NAV2: variants seen among roughly 807,000 people sequenced by gnomAD.
The protein encoded by NAV2 is neuron navigator 2, also known as helicase, APC down-regulated 1.
A neutral mutation model predicts 223.2 loss-of-function variants in NAV2; 54 were observed. That is an observed-to-expected ratio of 0.24 (90% CI 0.19 to 0.30). NAV2 has a LOEUF of 0.30. Ranked by LOEUF, NAV2 falls within the 10% of genes least tolerant of loss-of-function variation. The pLI, the probability that NAV2 is intolerant of heterozygous loss-of-function variation, is 1.00. For missense variants in NAV2, 2,806 were observed against 3,147.5 expected (o/e 0.89, Z 2.60); for synonymous variants, 1,279 against 1,239.3 (o/e 1.03, Z -0.67).
upstream of NAV2, among the ~76,000 whole-genome samples, chr11:19,348,685 A>G (rs868626602): frequency 3.9e-5 from 6 of 152,250 alleles, no homozygotes; most frequent in Admixed American, 1.3e-4. Context: ...CATTCAGTAC[A>G]TGTTAGCAAT....
At chr11:19,612,229 A>AT (rs1287283187) in intron 1 of NAV2, among the ~76,000 whole-genome samples, 1 of 152,040 alleles carries the variant, frequency 6.6e-6, no homozygotes, top group Non-Finnish European at 1.5e-5. Context: ...CCATGAGAGC[A>AT]TTTTTTCCTC....
At chr11:19,753,232 G>A (rs993860406) in intron 1 of NAV2, among the ~76,000 whole-genome samples, 2 of 152,166 alleles carry the variant, frequency 1.3e-5, no homozygotes, top group Non-Finnish European at 2.9e-5. Flanking sequence ...TCCTTCACTT[G>A]TACTTATTAG....
intron 1 of NAV2, among the ~76,000 whole-genome samples, chr11:19,519,040 G>A (rs890058139): frequency 6.6e-6 from 1 of 152,140 alleles, no homozygotes; most frequent in African/African-American, 2.4e-5. Context: ...CCTGATCTGA[G>A]ACTTCCAGCT....
chr11:19,963,021 A>G (rs1284470775), intron 10 of NAV2, among the ~76,000 whole-genome samples: 1 of 152,242 alleles, frequency 6.6e-6, no homozygotes, highest in Non-Finnish European at 1.5e-5. Context: ...TCAAGTTGTC[A>G]GAAACATGGG....
chr11:19,596,244 C>A (rs1231175328), intron 1 of NAV2, among the ~76,000 whole-genome samples: 1 of 152,180 alleles, frequency 6.6e-6, no homozygotes, highest in African/African-American at 2.4e-5. Flanking sequence ...AAACCAGAGC[C>A]TATGAGCTGC....
intron 1 of NAV2, among the ~76,000 whole-genome samples, chr11:19,684,621 G>A (rs1156729187): frequency 6.6e-6 from 1 of 152,074 alleles, no homozygotes; most frequent in Non-Finnish European, 1.5e-5. Flanking sequence ...CAAGGGCACG[G>A]CCAAGGGCAC....
At chr11:20,097,987 G>A (rs945503938) in intron 31 of NAV2, among the ~76,000 whole-genome samples, 4 of 152,286 alleles carry the variant, frequency 2.6e-5, no homozygotes, top group African/African-American at 9.6e-5. Context: ...TTAGCCTTAT[G>A]ACTCTGAGAT....
intron 1 of NAV2, among the ~76,000 whole-genome samples, chr11:19,697,556 A>G (rs1724588887): frequency 6.6e-6 from 1 of 151,690 alleles, no homozygotes; most frequent in African/African-American, 2.4e-5. Context: ...ATTAAAGGGC[A>G]TGGCATGTCT....
At chr11:19,483,045 T>C (rs937740685) in intron 1 of NAV2, among the ~76,000 whole-genome samples, 1 of 152,218 alleles carries the variant, frequency 6.6e-6, no homozygotes, top group Non-Finnish European at 1.5e-5. Context: ...TTTCCATTTA[T>C]TGAGCCAAGC....
chr11:19,358,180 G>A (rs1853727868), intron 1 of NAV2, among the ~76,000 whole-genome samples: 1 of 152,154 alleles, frequency 6.6e-6, no homozygotes, highest in Non-Finnish European at 1.5e-5. Flanking sequence ...AGGGATGTGG[G>A]GGCTGGGAAG....
intron 1 of NAV2, among the ~76,000 whole-genome samples, chr11:19,463,703 A>T (rs1213056627): frequency 1.3e-5 from 2 of 152,184 alleles, no homozygotes; most frequent in Non-Finnish European, 2.9e-5. Flanking sequence ...GTAGTTAATT[A>T]TGTTCAGAGG....
intron 20 of NAV2, among the ~76,000 whole-genome samples, chr11:20,067,370 C>T (rs1402624037): frequency 6.6e-6 from 1 of 152,160 alleles, no homozygotes; most frequent in Non-Finnish European, 1.5e-5. Flanking sequence ...GCTCCCTAGA[C>T]AGGGTTGCCA....
intron 3 of NAV2, among the ~76,000 whole-genome samples, chr11:19,854,956 A>G (rs1035991118): frequency 3.9e-5 from 6 of 152,170 alleles, no homozygotes; most frequent in African/African-American, 1.4e-4. Flanking sequence ...CTGGCAAAGC[A>G]CTTGCTGTTT....
At chr11:19,548,725 A>AC (rs962303962) in intron 1 of NAV2, among the ~76,000 whole-genome samples, 1 of 151,668 alleles carries the variant, frequency 6.6e-6, no homozygotes, top group African/African-American at 2.4e-5. Flanking sequence ...AAAAAAAAAA[A>AC]AAATTAGCCA....
At chr11:19,531,514 C>G (rs1296718521) in intron 1 of NAV2, among the ~76,000 whole-genome samples, 1 of 152,072 alleles carries the variant, frequency 6.6e-6, no homozygotes, top group Non-Finnish European at 1.5e-5. Flanking sequence ...TTTAAGTGAG[C>G]CAGCAAAATT....
At chr11:19,748,583 G>A (rs10741798) in intron 1 of NAV2, among the ~76,000 whole-genome samples, 20 of 152,184 alleles carry the variant, frequency 1.3e-4, no homozygotes, top group African/African-American at 4.1e-4. Context: ...AATCCCTGGC[G>A]CCTAGCATGG....
intron 1 of NAV2, among the ~76,000 whole-genome samples, chr11:19,463,462 A>T (rs116999887): frequency 1.7e-4 from 26 of 152,374 alleles, no homozygotes; most frequent in East Asian, 1.5e-3. Context: ...CTCCTTCTCC[A>T]TACAGCCATT....
intron 3 of NAV2, among the ~76,000 whole-genome samples, chr11:19,859,137 C>CTCTTTTTTTTTTTTTTTTTT (rs1467179579): frequency 1.9e-5 from 2 of 107,108 alleles, no homozygotes; most frequent in African/African-American, 6.8e-5. Context: ...ATCATATTCT[C>CTCTTTTTTTTTTTTTTTTTT]TTTTTTTTTT....
At chr11:19,524,901 C>T (rs917982716) in intron 1 of NAV2, among the ~76,000 whole-genome samples, 4 of 152,036 alleles carry the variant, frequency 2.6e-5, no homozygotes, top group Non-Finnish European at 4.4e-5. Flanking sequence ...GACACAGCTT[C>T]GTGTTTAGAG....
Sources: gnomAD v4.1 joint callset for allele counts (sites outside exome capture counted in the v4.1 genomes callset) on GRCh38, gnomAD v4.1.1 for gene constraint, MANE v1.5 for transcripts, NCBI Gene and HGNC (gene_info 2026-07-23, HGNC 2026-07-21) for gene names.